Variants in LRRC7 observed in about 807,000 individuals in gnomAD.
The protein encoded by LRRC7 is leucine-rich repeat-containing protein 7.
A neutral mutation model predicts 175.7 loss-of-function variants in LRRC7; 23 were observed. The ratio of observed to expected loss-of-function variants is 0.13; its 90% CI spans 0.09 to 0.19. The LOEUF (loss-of-function observed/expected upper bound fraction) is 0.19, where lower values mean the gene tolerates loss of function less well. Ranked by LOEUF, LRRC7 falls within the 10% of genes least tolerant of loss-of-function variation. The pLI is 1.00. For synonymous variants in LRRC7, 685 were observed against 680.9 expected (o/e 1.01, Z -0.09); for missense variants, 1,354 against 1,904.7 (o/e 0.71, Z 5.38).
chr1:69,844,672 C>T (rs1307899475), intron 7 of LRRC7, among the ~76,000 whole-genome samples: 1 of 152,026 alleles, frequency 6.6e-6, no homozygotes, highest in Non-Finnish European at 1.5e-5. Flanking sequence ...TCTTCAAGAT[C>T]CCGGGGTGAG....
intron 7 of LRRC7, among the ~76,000 whole-genome samples, chr1:69,849,427 G>A (rs943020009): frequency 5.3e-5 from 8 of 151,808 alleles, no homozygotes; most frequent in Admixed American, 2.6e-4. Context: ...TTGCTTAAAT[G>A]TTTCACTGAA....
In LRRC7 at chr1:69,579,627, A is replaced by G. The variant is rs546443077; in HGVS notation, c.2+10986A>G. 3.9e-5 allele frequency among the ~76,000 whole-genome samples: 6 copies of G among 152,210 alleles called. No homozygotes were observed. In the East Asian group the frequency reaches 9.7e-4, roughly 25 times the overall value. On this transcript the variant is annotated intron_variant, in intron 1 of 26. Coordinates refer to ENST00000651989, the MANE Select transcript of LRRC7 (RefSeq NM_001370785.2). ...GTGTGAATGACTGTTTCAATGAATGAATCGTTCCACTTATTCTTCTGAATG... is the reference window on the plus strand; with the variant it reads ...GTGTGAATGACTGTTTCAATGAATGGATCGTTCCACTTATTCTTCTGAATG...
intron 6 of LRRC7, among the ~76,000 whole-genome samples, chr1:69,836,427 T>A (rs1275206753): frequency 6.6e-6 from 1 of 151,990 alleles, no homozygotes; most frequent in African/African-American, 2.4e-5. Context: ...AATCAGAAAA[T>A]GTTTAATTAT....
chr1:70,122,488 A>C lies in LRRC7; in HGVS notation c.*601A>C, dbSNP rs1666263660. On this transcript the variant is annotated 3_prime_UTR_variant, in exon 27 of 27. Transcript: ENST00000651989. Reference sequence around the variant, plus strand: ...TAATGCCTTATGAAAGTAACTGTACATATGGTATAAAGTGTTTATATTTGG... The same window carrying C: ...TAATGCCTTATGAAAGTAACTGTACCTATGGTATAAAGTGTTTATATTTGG... 1 of 152,126 alleles carries C rather than the reference A, an allele frequency of 6.6e-6. No homozygotes were observed. The highest frequency in any genetic ancestry group is 2.4e-5 in the African/African-American group (1 of 41,460). The allele number at this position is 152,126 out of a possible 1,614,324, so 9.4% of individuals were successfully genotyped here.
chr1:69,863,477 G>A (rs1337129875), intron 7 of LRRC7, among the ~76,000 whole-genome samples: 4 of 152,020 alleles, frequency 2.6e-5, no homozygotes, highest in Admixed American at 2.6e-4. Flanking sequence ...TGCATTAATA[G>A]GTTGTACTTT....
intron 1 of LRRC7, among the ~76,000 whole-genome samples, chr1:69,631,944 AC>A (rs1313526067): frequency 2.0e-5 from 3 of 151,264 alleles, no homozygotes; most frequent in African/African-American, 7.3e-5. Flanking sequence ...TCCCTTGTTG[AC>A]TTAAGGTTTA....
At position 69,701,887 on chromosome 1, in the gene LRRC7, T is replaced by C. The variant is rs529651812; in HGVS notation, c.100+23409T>C. ...AATTTAAAAATCATATCACTAGTGTTATACAAGCTAAAGGAAAGATTCCAT... is the reference window on the plus strand; with the variant it reads ...AATTTAAAAATCATATCACTAGTGTCATACAAGCTAAAGGAAAGATTCCAT... On this transcript the variant is annotated intron_variant, in intron 2 of 26. Transcript: ENST00000651989. 2.2e-4 allele frequency among the ~76,000 whole-genome samples: 34 copies of C among 152,336 alleles called. No individual in the cohort carries two copies. In the Middle Eastern group the frequency reaches 0.017, roughly 76 times the overall value.
intron 7 of LRRC7, among the ~76,000 whole-genome samples, chr1:69,912,241 T>G (rs1226130279): frequency 6.6e-6 from 1 of 152,088 alleles, no homozygotes; most frequent in Non-Finnish European, 1.5e-5. Flanking sequence ...CAGAAAACAA[T>G]GAGCCTGACA....
At chr1:69,650,553 A>AAAAAAAAAAAAAAAAAAAAT (rs1200791292) in intron 1 of LRRC7, among the ~76,000 whole-genome samples, 1 of 151,094 alleles carries the variant, frequency 6.6e-6, no homozygotes, top group African/African-American at 2.4e-5. Context: ...AAAAAAAAAA[A>AAAAAAAAAAAAAAAAAAAAT]ATGCCAAGCA....
intron 3 of LRRC7, among the ~76,000 whole-genome samples, chr1:69,772,576 A>G (rs983716495): frequency 1.3e-5 from 2 of 152,250 alleles, no homozygotes; most frequent in African/African-American, 4.8e-5. Context: ...CTCTGGCTGC[A>G]GTGGAAATAC....
At position 70,121,910 on chromosome 1, in the gene LRRC7, A is replaced by G; in HGVS notation, c.*23A>G. 6.6e-7 allele frequency: 1 copy of G among 1,506,530 alleles called. No individual in the cohort carries two copies. Among genetic ancestry groups the G allele is most frequent in the South Asian group, 1.1e-5 (1 of 88,072 alleles). 93.3% of individuals were successfully genotyped at this position (1,506,530 alleles called of 1,614,324 possible). A position where few individuals can be genotyped will look rare whatever the true frequency, so the allele number is the denominator to read the frequency against. On this transcript the variant is annotated 3_prime_UTR_variant, in exon 27 of 27. Transcript: ENST00000651989. ...TAAATATTTTTTATAAATAGTGAAG[A>G]TACGTCTAGCCAGACCTAATGTTCA...
chr1:70,135,785 G>T lies in LRRC7; in HGVS notation c.*13898G>T. On this transcript the variant is annotated 3_prime_UTR_variant, in exon 27 of 27. Transcript: ENST00000651989. ...TTGCCCTGTAATATTTGTCTATACTGTCTTGATTGTTTTAAACCAGCCATC... is the reference window on the plus strand; with the variant it reads ...TTGCCCTGTAATATTTGTCTATACTTTCTTGATTGTTTTAAACCAGCCATC... 6.6e-6 allele frequency among the ~76,000 whole-genome samples: 1 copy of T among 152,144 alleles called. No individual in the cohort carries two copies. Among genetic ancestry groups the T allele is most frequent in the East Asian group, 1.9e-4 (1 of 5,196 alleles).
chr1:69,825,927 G>A lies in LRRC7; in HGVS notation c.500+101G>A, dbSNP rs112579688. ...ACATCATAATTTAAATTTAAATGTA[G>A]CATTGACATAGCATTTAATAGAATG... On this transcript the variant is annotated intron_variant, in intron 5 of 26. Transcript: ENST00000651989. 1.5e-4 allele frequency: 93 copies of A among 634,778 alleles called. 1 individual carries two copies. The East Asian group carries it at 2.0e-3, about 14-fold the overall frequency. The allele number at this position is 634,778 out of a possible 1,614,324, so 39.3% of individuals were successfully genotyped here.
chr1:69,700,137 G>C (rs1182756329), intron 2 of LRRC7, among the ~76,000 whole-genome samples: 1 of 152,080 alleles, frequency 6.6e-6, no homozygotes, highest in Non-Finnish European at 1.5e-5. Context: ...GATCCAAAAG[G>C]TGTGGACCTG....
intron 7 of LRRC7, among the ~76,000 whole-genome samples, chr1:69,850,432 A>C (rs1682847826): frequency 6.6e-6 from 1 of 152,074 alleles, no homozygotes; most frequent in African/African-American, 2.4e-5. Context: ...GAAACATGTG[A>C]TTTGATCTTA....
At chr1:69,721,948 AT>A (rs1052582052) in intron 2 of LRRC7, among the ~76,000 whole-genome samples, 45 of 152,074 alleles carry the variant, frequency 3.0e-4, no homozygotes, top group Middle Eastern at 3.4e-3. Flanking sequence ...ATGCAAAAAA[AT>A]CATCTTTAAT....
intron 2 of LRRC7, among the ~76,000 whole-genome samples, chr1:69,747,924 C>T (rs1669431337): frequency 1.3e-5 from 2 of 152,078 alleles, no homozygotes; most frequent in Non-Finnish European, 2.9e-5. Context: ...TCACACATGC[C>T]TTTAACTTCC....
chr1:70,036,518 T>C lies in LRRC7; in HGVS notation c.2182T>C (p.Tyr728His). The C allele has an allele frequency of 1.2e-6, 2 of 1,614,122 alleles. No homozygotes were observed. The highest frequency in any genetic ancestry group is 1.7e-6 in the Non-Finnish European group (2 of 1,179,960). The change falls in exon 20 of 27, where the codon TAC becomes CAC. Residue 728 changes from tyrosine (Y) to histidine (H), a missense_variant. Transcript: ENST00000651989. ...TGTTTCCTCAGGCACTTACTCAGAC[T>C]ACTCGCCTTCCCAGGCTTCCTCAGG... ...NSVSSGTYSDYSPSQASSGSS... is the reference protein window; with the variant it reads ...NSVSSGTYSDHSPSQASSGSS...
intron 8 of LRRC7, among the ~76,000 whole-genome samples, chr1:69,953,200 G>C (rs547967365): frequency 1.3e-5 from 2 of 151,698 alleles, no homozygotes; most frequent in Non-Finnish European, 2.9e-5. Flanking sequence ...GCTGTCCTTC[G>C]TATGTGCAGC....
Sources: allele counts gnomAD v4.1 joint callset (sites outside exome capture counted in the v4.1 genomes callset), GRCh38; gene constraint gnomAD v4.1.1; transcripts MANE v1.5; gene names NCBI Gene and HGNC (gene_info 2026-07-23, HGNC 2026-07-21).